The following THEMIS2 variants were observed in gnomAD, a reference collection of about 807,000 sequenced individuals.
THEMIS2 encodes protein THEMIS2.
THEMIS2 carries 29 observed loss-of-function variants against 46.8 expected under a neutral mutation model. That is an observed-to-expected ratio of 0.62 (90% confidence interval 0.46 to 0.84). THEMIS2 has a LOEUF of 0.84. Ranked by LOEUF, THEMIS2 falls within the 40% of genes least tolerant of loss-of-function variation. The pLI, the probability that THEMIS2 is intolerant of heterozygous loss-of-function variation, is 0.00. For missense variants in THEMIS2, 698 were observed against 834.7 expected (o/e 0.84, Z 2.02); for synonymous variants, 335 against 349.1 (o/e 0.96, Z 0.45).
chr1:27,876,178 A>AGTTGGG lies in THEMIS2; in HGVS notation c.95-410_95-409insGTTGGG, dbSNP rs1436100610. 9.3e-3 allele frequency among the ~76,000 whole-genome samples: 1,391 copies of AGTTGGG among 150,230 alleles called. 20 individuals are homozygous for AGTTGGG. The highest frequency in any genetic ancestry group is 0.032 in the African/African-American group (1,309 of 40,892). On this transcript the variant is annotated intron_variant, in intron 1 of 5. Coordinates refer to ENST00000373921, the MANE Select transcript of THEMIS2 (RefSeq NM_001105556.3). Reference sequence around the variant, plus strand: ...TGATTTTGTAGCTGTACACTAAGGGAATCCCAACTCCCTTAGTGTACAGCT... The same window carrying AGTTGGG: ...TGATTTTGTAGCTGTACACTAAGGGAGTTGGGATCCCAACTCCCTTAGTGTACAGCT...
At chr1:27,881,697 G>A (rs548464415) in intron 3 of THEMIS2, among the ~76,000 whole-genome samples, 11 of 151,978 alleles carry the variant, frequency 7.2e-5, no homozygotes, top group East Asian at 1.9e-4. Context: ...GCATGGTGGC[G>A]GGCGCCTGTA....
chr1:27,879,656 C>A lies in THEMIS2; in HGVS notation c.248C>A (p.Pro83His). The A allele has an allele frequency of 6.3e-7, 1 of 1,598,854 alleles. No homozygotes were observed. Among genetic ancestry groups the A allele is most frequent in the East Asian group, 2.2e-5 (1 of 44,524 alleles). ...LAPNFQGYFT[P>H]LNTPQSYETL... ...CTGTCCCCCACAGGCTACTTCACCC[C>A]CCTCAACACCCCACAGAGCTATGAA... Residue 83 changes from proline to histidine, a missense_variant, in exon 3 of 6, where the codon CCC (proline) becomes CAC (histidine). Transcript: ENST00000373921.
Position 27,882,733 on chromosome 1 carries a change from C to A in THEMIS2, c.1409C>A (p.Thr470Asn). Reference protein sequence around the residue: ...KDTSHPTDPLTSFLGLRLEEK... With the variant: ...KDTSHPTDPLNSFLGLRLEEK... ...ACCAGCCACCCCACTGACCCTCTGA[C>A]CTCCTTCCTGGGCCTGCGGCTGGAG... The change falls in exon 4 of 6, where the codon ACC (threonine) becomes AAC (asparagine). Residue 470 changes from threonine (T) to asparagine (N), a missense_variant. By Grantham distance (65) the Thr-to-Asn change is moderately conservative. Coordinates refer to ENST00000373921, the MANE Select transcript of THEMIS2 (RefSeq NM_001105556.3). The surrounding 1 kb of genome is among the most constrained non-coding windows in gnomAD (Gnocchi z 7.6). The A allele has an allele frequency of 6.2e-7, 1 of 1,613,970 alleles. No homozygotes were observed. The highest frequency in any genetic ancestry group is 8.5e-7 in the Non-Finnish European group (1 of 1,179,982).
chr1:27,876,162 A>G (rs568775021), intron 1 of THEMIS2, among the ~76,000 whole-genome samples: 3 of 150,260 alleles, frequency 2.0e-5, no homozygotes, highest in Non-Finnish European at 4.5e-5. Context: ...CTGATTTTGT[A>G]GCTGTACACT....
intron 1 of THEMIS2, among the ~76,000 whole-genome samples, chr1:27,873,448 G>A (rs2148629676): frequency 6.6e-6 from 1 of 152,280 alleles, no homozygotes; most frequent in South Asian, 2.1e-4. Flanking sequence ...GGAGAGAGAT[G>A]CTGTGTGGGG....
chr1:27,883,589 A>G (rs1444734056), intron 4 of THEMIS2: 2 of 153,064 alleles, frequency 1.3e-5, no homozygotes, highest in African/African-American at 4.8e-5. Context: ...TCCCCGACCC[A>G]TCTTCCTCCA....
rs771433067 is a variant in THEMIS2 at position 27,882,395 on chromosome 1, C to T, written c.1071C>T (p.Gly357=). Residue 357 remains glycine (G), a synonymous_variant, in exon 4 of 6, where the codon GGC becomes GGT. Transcript: ENST00000373921. This position sits in a 1 kb window ranked among gnomAD's most constrained non-coding sequence, Gnocchi z 7.6. The part of the protein sequence containing the change: ...LRVVATKDCE[G]EREENPEFTS... ...TGGTGGCCACAAAGGACTGTGAGGGCGAGAGGGAGGAGAATCCCGAGTTCA... is the reference window on the plus strand; with the variant it reads ...TGGTGGCCACAAAGGACTGTGAGGGTGAGAGGGAGGAGAATCCCGAGTTCA... 52 of 1,606,298 alleles carry T rather than the reference C, an allele frequency of 3.2e-5. No individual in the cohort carries two copies. Among genetic ancestry groups the T allele is most frequent in the African/African-American group, 2.4e-4 (18 of 74,854 alleles).
chr1:27,883,035 G>A lies in THEMIS2; in HGVS notation c.1711G>A (p.Gly571Ser). 1.2e-6 allele frequency: 2 copies of A among 1,612,866 alleles called. No individual in the cohort carries two copies. Among genetic ancestry groups the A allele is most frequent in the Non-Finnish European group, 1.7e-6 (2 of 1,179,500 alleles). ...GCAGAGGAGACACAGCAGTGAGGGA[G>A]GCGTCAAGGTACTAGTATAATCCCA... ...SKQRRHSSEGGVKSSQVLGLQ... is the reference protein window; with the variant it reads ...SKQRRHSSEGSVKSSQVLGLQ... Residue 571 changes from glycine to serine, a missense_variant, in exon 4 of 6, where the codon GGC (glycine) becomes AGC (serine). By Grantham distance (56) the Gly-to-Ser change is moderately conservative. Coordinates refer to ENST00000373921, the MANE Select transcript of THEMIS2 (RefSeq NM_001105556.3).
In THEMIS2 at chr1:27,882,700, C is replaced by T. The variant is rs1426879243; in HGVS notation, c.1376C>T (p.Ala459Val). 1 of 1,613,926 alleles carries T rather than the reference C, an allele frequency of 6.2e-7. No individual in the cohort carries two copies. Among genetic ancestry groups the T allele is most frequent in the Non-Finnish European group, 8.5e-7 (1 of 1,179,980 alleles). The change falls in exon 4 of 6, where the codon GCC (alanine) becomes GTC (valine). Residue 459 changes from alanine (A) to valine (V), a missense_variant. Transcript: ENST00000373921. This position sits in a 1 kb window ranked among gnomAD's most constrained non-coding sequence, Gnocchi z 7.6. The part of the protein sequence containing the change: ...FSLPCEVKVV[A>V]KDTSHPTDPL... ...CTGCCTTGTGAGGTCAAGGTGGTGG[C>T]CAAGGACACCAGCCACCCCACTGAC...
intron 1 of THEMIS2, among the ~76,000 whole-genome samples, chr1:27,876,097 G>C (rs1035567185): frequency 1.3e-5 from 2 of 151,680 alleles, no homozygotes; most frequent in Non-Finnish European, 2.9e-5. Context: ...AGGAGGGCTG[G>C]GTACCGGCCC....
In THEMIS2 at chr1:27,882,486, A is replaced by G; in HGVS notation, c.1162A>G (p.Ser388Gly). 1 of 1,613,348 alleles carries G rather than the reference A, an allele frequency of 6.2e-7. No homozygotes were observed. Among genetic ancestry groups the G allele is most frequent in the Non-Finnish European group, 8.5e-7 (1 of 1,179,378 alleles). Residue 388 changes from serine (S) to glycine (G), a missense_variant, in exon 4 of 6, where the codon AGT (serine) becomes GGT (glycine). By Grantham distance (56) the Ser-to-Gly change is moderately conservative (BLOSUM62 0). Coordinates refer to ENST00000373921, the MANE Select transcript of THEMIS2 (RefSeq NM_001105556.3). This position sits in a 1 kb window ranked among gnomAD's most constrained non-coding sequence, Gnocchi z 7.6. ...TGGCCAGGCCCATGGGGCCCAGGGC[A>G]GTGACGTGGATGTCTTGGTTTGTCA... ...GPGQAHGAQG[S>G]DVDVLVCQRL...
chr1:27,885,364 T>G lies in THEMIS2; in HGVS notation c.1789T>G (p.Phe597Val). Reference sequence around the variant, plus strand: ...ACCCAAGGCGAAGACCTTGCCAGAGTTCATCAAGGATGGCTCCAGTACGTA... The same window carrying G: ...ACCCAAGGCGAAGACCTTGCCAGAGGTCATCAAGGATGGCTCCAGTACGTA... ...PKPKAKTLPE[F>V]IKDGSSTYSK... is the part of the protein sequence containing the mutation. Residue 597 changes from phenylalanine to valine, a missense_variant, in exon 5 of 6, where the codon TTC becomes GTC. Phe to Val is a conservative substitution (Grantham distance 50, BLOSUM62 -1). Coordinates refer to ENST00000373921, the MANE Select transcript of THEMIS2 (RefSeq NM_001105556.3). The G allele has an allele frequency of 6.2e-7, 1 of 1,614,054 alleles. No homozygotes were observed. The highest frequency in any genetic ancestry group is 8.5e-7 in the Non-Finnish European group (1 of 1,179,998).
chr1:27,879,169 T>C (rs746912650), intron 2 of THEMIS2, among the ~76,000 whole-genome samples: 26 of 152,012 alleles, frequency 1.7e-4, no homozygotes, highest in South Asian at 1.0e-3. Flanking sequence ...GCAGCCAGGA[T>C]GCAGGGGTAA....
Position 27,872,567 on chromosome 1 carries a change from G to C in THEMIS2, c.-5G>C. The C allele has an allele frequency of 6.7e-7, 1 of 1,487,932 alleles. No homozygotes were observed. The highest frequency in any genetic ancestry group is 1.8e-4 in the Middle Eastern group (1 of 5,422). The allele number at this position is 1,487,932 out of a possible 1,614,324, so 92.2% of individuals were successfully genotyped here. A position where few individuals can be genotyped will look rare whatever the true frequency, so the allele number is the denominator to read the frequency against. On this transcript the variant is annotated 5_prime_UTR_variant, in exon 1 of 6. Coordinates refer to ENST00000373921, the MANE Select transcript of THEMIS2 (RefSeq NM_001105556.3). This position sits in a 1 kb window ranked among gnomAD's most constrained non-coding sequence, Gnocchi z 4.9. ...TCAGTCTGAGCCCAGAGAGCCGCGG[G>C]GACCATGGAGCCGGTGCCGCTGCAG... is the stretch of plus-strand genomic sequence containing the variant.
At chr1:27,880,223 T>A (rs2089656706) in intron 3 of THEMIS2, among the ~76,000 whole-genome samples, 169 bp downstream of exon 3, 1 of 152,034 alleles carries the variant, frequency 6.6e-6, no homozygotes, top group Admixed American at 6.5e-5. Flanking sequence ...TGAGATGGAG[T>A]TTCGCTCTTG....
Position 27,886,336 on chromosome 1 carries a change from A to G in THEMIS2, c.*414A>G, listed in dbSNP as rs1422479574. ...GTTAACGTCTGCCACCCCCACTCTC[A>G]CCCCCAAGCTCTAAGCCCCCGGGAG... On this transcript the variant is annotated 3_prime_UTR_variant, in exon 6 of 6. Transcript: ENST00000373921. 2 of 202,700 alleles carry G rather than the reference A, an allele frequency of 9.9e-6. No homozygotes were observed. The highest frequency in any genetic ancestry group is 2.0e-5 in the Non-Finnish European group (2 of 98,440). The allele number at this position is 202,700 out of a possible 1,614,324, so 12.6% of individuals were successfully genotyped here.
intron 1 of THEMIS2, 97 bp from the exon 2 acceptor site, chr1:27,876,490 CA>C (rs1433115328): frequency 1.1e-5 from 16 of 1,465,448 alleles, no homozygotes; most frequent in Non-Finnish European, 1.4e-5. Flanking sequence ...GCACCATGTG[CA>C]AAGGCATGGC....
rs146602260 is a variant in THEMIS2 at position 27,877,053 on chromosome 1, C to T, written c.235+325C>T. Among the ~76,000 whole-genome samples, 653 of 152,344 alleles carry T rather than the reference C, an allele frequency of 4.3e-3. 5 individuals are homozygous for T. The highest frequency in any genetic ancestry group is 0.015 in the African/African-American group (621 of 41,580). ...TGCAGACACCCATGTGTGCCAGGCT[C>T]CGTGTGGCGGGCTGTGGGTATGGGG... is the stretch of plus-strand genomic sequence containing the variant. On this transcript the variant is annotated intron_variant, in intron 2 of 5. Transcript: ENST00000373921.
At position 27,882,771 on chromosome 1, in the gene THEMIS2, G is replaced by C. The variant is rs750341115; in HGVS notation, c.1447G>C (p.Glu483Gln). The change falls in exon 4 of 6, where the codon GAG (glutamate) becomes CAG (glutamine). Residue 483 changes from glutamate (E) to glutamine (Q), a missense_variant. Transcript: ENST00000373921. The surrounding 1 kb of genome is among the most constrained non-coding windows in gnomAD (Gnocchi z 7.6). Reference sequence around the variant, plus strand: ...CCTGCGGCTGGAGGAGAAGATCACAGAGCCATTCTTGGTGGTGAGCCTAGA... The same window carrying C: ...CCTGCGGCTGGAGGAGAAGATCACACAGCCATTCTTGGTGGTGAGCCTAGA... ...LGLRLEEKIT[E>Q]PFLVVSLDSE... The C allele has an allele frequency of 6.2e-6, 10 of 1,613,948 alleles. No homozygotes were observed. The highest frequency in any genetic ancestry group is 8.5e-6 in the Non-Finnish European group (10 of 1,179,936).
Sources: allele counts gnomAD v4.1 joint callset (sites outside exome capture counted in the v4.1 genomes callset), GRCh38; gene constraint gnomAD v4.1.1; non-coding constraint Gnocchi (gnomAD v3.1); transcripts MANE v1.5; gene names NCBI Gene and HGNC (gene_info 2026-07-23, HGNC 2026-07-21).